Variants in NYAP2 observed in about 807,000 individuals in gnomAD.
The protein encoded by NYAP2 is neuronal tyrosine-phosphorylated phosphoinositide-3-kinase adapter 2.
A neutral mutation model predicts 50.4 loss-of-function variants in NYAP2; 23 were observed. That is an observed-to-expected ratio of 0.46 (90% confidence interval 0.33 to 0.65). The LOEUF (loss-of-function observed/expected upper bound fraction) is 0.65. NYAP2 is among the 30% of genes least tolerant of loss of function. The probability of loss-of-function intolerance (pLI) is 0.02; values close to 1 mark genes in which losing one functional copy is unlikely to be tolerated. For synonymous variants in NYAP2, 394 were observed against 365.2 expected (o/e 1.08, Z -0.90); for missense variants, 885 against 861.0 (o/e 1.03, Z -0.35).
chr2:225,633,308 T>A (rs1361985086), intron 6 of NYAP2, among the ~76,000 whole-genome samples: 1 of 152,188 alleles, frequency 6.6e-6, no homozygotes, highest in East Asian at 1.9e-4. Context: ...ATGAAAACAC[T>A]ATAAAGGGAA....
At chr2:225,520,041 C>A (rs1317379421) in intron 4 of NYAP2, among the ~76,000 whole-genome samples, 1 of 152,196 alleles carries the variant, frequency 6.6e-6, no homozygotes, top group African/African-American at 2.4e-5. Flanking sequence ...AGCATTTTTT[C>A]ATGTGTTTTT....
chr2:225,699,246 G>T, the NYAP2 span: 2 of 151,908 alleles, frequency 1.3e-5, no homozygotes, highest in Non-Finnish European at 2.9e-5. Context: ...ACTAAGCAAT[G>T]GTTAGTCAGA....
intron 3 of NYAP2, among the ~76,000 whole-genome samples, chr2:225,434,370 C>G (rs1482620605): frequency 6.6e-6 from 1 of 152,176 alleles, no homozygotes; most frequent in Non-Finnish European, 1.5e-5. Context: ...TCATAAAATT[C>G]TAGCACAAAT....
intron 3 of NYAP2, among the ~76,000 whole-genome samples, chr2:225,456,608 T>C (rs1326557536): frequency 6.6e-6 from 1 of 152,136 alleles, no homozygotes; most frequent in Non-Finnish European, 1.5e-5. Flanking sequence ...GGATGCCTTA[T>C]CCTCCTAGGG....
Position 225,481,535 on chromosome 2 carries a change from C to T in NYAP2, c.222-31836C>T, listed in dbSNP as rs114592837. 5.1e-3 allele frequency among the ~76,000 whole-genome samples: 782 copies of T among 152,202 alleles called. 7 individuals carry two copies. Among genetic ancestry groups the T allele is most frequent in the African/African-American group, 0.018 (730 of 41,530 alleles). On this transcript the variant is annotated intron_variant, in intron 3 of 6. Coordinates refer to ENST00000636099, the Ensembl canonical transcript of NYAP2. Reference sequence around the variant, plus strand: ...GAATTTAATTGATCATGAACAACCACATGGAGAACAAACTTATGGGACCGG... The same window carrying T: ...GAATTTAATTGATCATGAACAACCATATGGAGAACAAACTTATGGGACCGG...
At chr2:225,636,580 A>G (rs1386693545) in intron 6 of NYAP2, among the ~76,000 whole-genome samples, 1 of 152,082 alleles carries the variant, frequency 6.6e-6, no homozygotes, top group Non-Finnish European at 1.5e-5. Flanking sequence ...TGCTATAAAG[A>G]CACATGCACA....
the NYAP2 span, among the ~76,000 whole-genome samples, chr2:225,659,870 A>G: frequency 5.1e-4 from 77 of 152,246 alleles, no homozygotes; most frequent in Admixed American, 3.9e-4. Flanking sequence ...AAAAAATTCA[A>G]TTTTTCTGCT....
At position 225,534,404 on chromosome 2, in the gene NYAP2, A is replaced by AT. The variant is rs1691311477; in HGVS notation, c.523+20732_523+20733insT. Among the ~76,000 whole-genome samples, 5 of 152,338 alleles carry AT rather than the reference A, an allele frequency of 3.3e-5. No individual in the cohort carries two copies. In the South Asian group the frequency reaches 8.3e-4, roughly 25 times the overall value. On this transcript the variant is annotated intron_variant, in intron 4 of 6. Transcript: ENST00000636099. ...AATAAATATTTATTGAGCACCTACT[A>AT]CGGGCCAAGCATTATTCTACAAGTC...
At chr2:225,703,508 T>C in the NYAP2 span, 2 of 151,812 alleles carry the variant, frequency 1.3e-5, no homozygotes, top group African/African-American at 4.8e-5. Context: ...CATGTAATTA[T>C]AAATGTACTT....
chr2:225,632,791 C>A (rs1436450872), intron 6 of NYAP2, among the ~76,000 whole-genome samples: 2 of 152,160 alleles, frequency 1.3e-5, no homozygotes, highest in African/African-American at 4.8e-5. Context: ...TTGTATCCAA[C>A]TCTGTTATGG....
At chr2:225,474,550 G>T (rs1053415677) in intron 3 of NYAP2, among the ~76,000 whole-genome samples, 2 of 152,054 alleles carry the variant, frequency 1.3e-5, no homozygotes, top group Non-Finnish European at 2.9e-5. Context: ...GGATTCCTAG[G>T]TATTTTATTC....
intron 6 of NYAP2, among the ~76,000 whole-genome samples, chr2:225,649,494 C>T (rs149178162): frequency 6.6e-6 from 1 of 152,190 alleles, no homozygotes; most frequent in African/African-American, 2.4e-5. Flanking sequence ...CCCTCTACGT[C>T]TTCCTTCTAA....
intron 5 of NYAP2, among the ~76,000 whole-genome samples, chr2:225,597,885 T>C (rs1692632935): frequency 6.6e-6 from 1 of 152,110 alleles, no homozygotes; most frequent in South Asian, 2.1e-4. Flanking sequence ...ATAAATATTT[T>C]AGTAAAAGAT....
At chr2:225,559,013 C>T (rs537502791) in intron 4 of NYAP2, among the ~76,000 whole-genome samples, 6 of 152,212 alleles carry the variant, frequency 3.9e-5, no homozygotes, top group African/African-American at 1.4e-4. Flanking sequence ...TATTTTATGA[C>T]AACCTGGAGA....
At chr2:225,657,965 C>A (rs140023928), downstream of NYAP2, among the ~76,000 whole-genome samples, 442 of 152,326 alleles carry the variant, frequency 2.9e-3, 3 homozygotes, top group African/African-American at 9.8e-3. Context: ...AAGTGTTGAA[C>A]AAAAGTGTTT....
chr2:225,455,080 A>G (rs2106150131), intron 3 of NYAP2, among the ~76,000 whole-genome samples: 1 of 152,276 alleles, frequency 6.6e-6, no homozygotes, highest in Non-Finnish European at 1.5e-5. Context: ...AGTCTCCAGA[A>G]ATTGGAAAAG....
At chr2:225,498,864 G>A (rs1690552043) in intron 3 of NYAP2, among the ~76,000 whole-genome samples, 1 of 152,174 alleles carries the variant, frequency 6.6e-6, no homozygotes, top group Non-Finnish European at 1.5e-5. Flanking sequence ...GGAAAAGGGA[G>A]ATGGCAATGA....
chr2:225,576,537 G>A (rs1333603976), intron 4 of NYAP2, among the ~76,000 whole-genome samples: 1 of 152,174 alleles, frequency 6.6e-6, no homozygotes. Flanking sequence ...TGCTGAAAGT[G>A]GGAAATGTGT....
chr2:225,523,873 A>T (rs1326098922), intron 4 of NYAP2, among the ~76,000 whole-genome samples: 1 of 152,192 alleles, frequency 6.6e-6, no homozygotes, highest in Non-Finnish European at 1.5e-5. Context: ...AGGTCAATGG[A>T]AGGGAATAGA....
Sources: gnomAD v4.1 joint callset for allele counts (sites outside exome capture counted in the v4.1 genomes callset) on GRCh38, gnomAD v4.1.1 for gene constraint, MANE v1.5 for transcripts, NCBI Gene and HGNC (gene_info 2026-07-23, HGNC 2026-07-21) for gene names.